Variants in TNXB observed in about 807,000 individuals in gnomAD.
TNXB encodes tenascin XB, also known as tenascin-X.
In TNXB, 183 loss-of-function variants were observed where a neutral mutation model predicts 340.5. The observed-to-expected ratio is 0.54, with a 90% confidence interval of 0.48 to 0.61. The LOEUF is 0.61. TNXB is among the 20% of genes least tolerant of loss of function. The pLI, the probability that TNXB is intolerant of heterozygous loss-of-function variation, is 0.00. For missense variants in TNXB, 4,613 were observed against 5,446.4 expected (o/e 0.85, Z 4.82); for synonymous variants, 2,121 against 2,314.5 (o/e 0.92, Z 2.40).
rs1780453848 is a variant in TNXB, at chr6:32,097,142, T to C, written c.711A>G (p.Ala237=). 4.4e-6 allele frequency: 7 copies of C among 1,600,384 alleles called. No individual in the cohort carries two copies. Among genetic ancestry groups the C allele is most frequent in the South Asian group, 1.1e-5 (1 of 89,312 alleles). ...RCVQGVCVCR[A]GFSGPDCSQR... is the part of the protein sequence containing the mutation. ...GGCTGCAGTCGGGGCCTGAGAAGCC[T>C]GCCCGGCACACACACACGCCCTGCA... The change falls in exon 3 of 44, where the codon GCA becomes GCG. Residue 237 remains alanine, a synonymous_variant. Transcript: ENST00000644971. This position sits in a 1 kb window ranked among gnomAD's most constrained non-coding sequence, Gnocchi z 5.9.
chr6:32,062,111 T>C lies in TNXB; in HGVS notation c.7168+46A>G. 6.3e-7 allele frequency: 1 copy of C among 1,574,822 alleles called. No individual in the cohort carries two copies. Among genetic ancestry groups the C allele is most frequent in the South Asian group, 1.2e-5 (1 of 85,098 alleles). Reference sequence around the variant, plus strand: ...CAGTCATCACCAAAGAGCAAGAGGGTGACCCTCCCATGGCTCCCACCCTGG... The same window carrying C: ...CAGTCATCACCAAAGAGCAAGAGGGCGACCCTCCCATGGCTCCCACCCTGG... On this transcript the variant is annotated intron_variant, in intron 20 of 43. Transcript: ENST00000644971. The surrounding 1 kb of genome is among the most constrained non-coding windows in gnomAD (Gnocchi z 4.3).
Position 32,068,355 on chromosome 6 carries a change from T to G in TNXB, c.6220+35A>C, listed in dbSNP as rs1251180011. On this transcript the variant is annotated intron_variant, in intron 17 of 43. Coordinates refer to ENST00000644971, the MANE Select transcript of TNXB (RefSeq NM_001365276.2). This position sits in a 1 kb window ranked among gnomAD's most constrained non-coding sequence, Gnocchi z 5.3. ...AAAGAGCAAGAGGGTGACCCTCCCA[T>G]GGCTCCCACCCTGGGGCTCCCATCA... The G allele has an allele frequency of 1.2e-5, 19 of 1,606,038 alleles. No homozygotes were observed. The highest frequency in any genetic ancestry group is 1.6e-5 in the Non-Finnish European group (19 of 1,175,138).
Position 32,095,709 on chromosome 6 carries a change from G to T in TNXB, c.2144C>A (p.Ala715Asp). ...CVEGFRGPDC[A>D]IQTCPGDCRG... ...GCAGTCCCCTGGGCATGTCTGGATG[G>T]CACAGTCAGGGCCTCGGAAGCCCTC... Residue 715 changes from alanine (A) to aspartate (D), a missense_variant, in exon 3 of 44, where the codon GCC becomes GAC. Coordinates refer to ENST00000644971, the MANE Select transcript of TNXB (RefSeq NM_001365276.2). 6.2e-7 allele frequency: 1 copy of T among 1,610,170 alleles called. No individual in the cohort carries two copies. The highest frequency in any genetic ancestry group is 8.5e-7 in the Non-Finnish European group (1 of 1,178,392).
In TNXB at chr6:32,087,014, G is replaced by A. The variant is rs895760978; in HGVS notation, c.2780-896C>T. Among the ~76,000 whole-genome samples the A allele has an allele frequency of 2.0e-5, 3 of 152,314 alleles. No individual in the cohort carries two copies. The highest frequency in any genetic ancestry group is 1.9e-4 in the East Asian group (1 of 5,186). ...TGTCCCGGGAAACCCCAAAGAAGGC[G>A]CTGCCTTGACCTTAGGCATCCACAG... On this transcript the variant is annotated intron_variant, in intron 6 of 43. Coordinates refer to ENST00000644971, the MANE Select transcript of TNXB (RefSeq NM_001365276.2). This position sits in a 1 kb window ranked among gnomAD's most constrained non-coding sequence, Gnocchi z 9.0.
Position 32,053,551 on chromosome 6 carries a change from G to T in TNXB, c.8628C>A (p.Val2876=). 6.2e-7 allele frequency: 1 copy of T among 1,613,692 alleles called. No homozygotes were observed. The highest frequency in any genetic ancestry group is 8.5e-7 in the Non-Finnish European group (1 of 1,179,878). The change falls in exon 25 of 44, where the codon GTC becomes GTA. Residue 2876 remains valine (V), a synonymous_variant. Coordinates refer to ENST00000644971, the MANE Select transcript of TNXB (RefSeq NM_001365276.2). ...GCTGCCCATCCCCATTCCTGTACTG[G>T]ACCAGGAAGTGGTCAAACTGGCCCT... is the stretch of plus-strand genomic sequence containing the variant. ...VPEGQFDHFL[V]QYRNGDGQPK... is the part of the protein sequence containing the mutation.
chr6:32,096,456 C>T lies in TNXB; in HGVS notation c.1397G>A (p.Cys466Tyr). The change falls in exon 3 of 44, where the codon TGT becomes TAT. Residue 466 changes from cysteine to tyrosine, a missense_variant. Cys to Tyr is a radical substitution (Grantham distance 194). Coordinates refer to ENST00000644971, the MANE Select transcript of TNXB (RefSeq NM_001365276.2). ...YSGEDCGVRS[C>Y]PGDCRGRGRC... ...GCCCCGGCCACGACAGTCCCCAGGA[C>T]AGCTGCGCACACCGCAGTCCTCGCC... is the stretch of plus-strand genomic sequence containing the variant. 1 of 1,599,622 alleles carries T rather than the reference C, an allele frequency of 6.3e-7. No individual in the cohort carries two copies. Among genetic ancestry groups the T allele is most frequent in the Non-Finnish European group, 8.5e-7 (1 of 1,179,150 alleles).
rs1780304037 is a variant in TNXB, at chr6:32,095,847, C to T, written c.2006G>A (p.Cys669Tyr). 2 of 1,612,614 alleles carry T rather than the reference C, an allele frequency of 1.2e-6. No homozygotes were observed. Among genetic ancestry groups the T allele is most frequent in the African/African-American group, 1.3e-5 (1 of 75,032 alleles). The part of the protein sequence containing the change: ...RGRCVQGVCL[C>Y]HVGYGGEDCG... Reference sequence around the variant, plus strand: ...GTCCTCACCGCCATAGCCCACGTGGCACAGGCACACTCCTTGCACACACCG... The same window carrying T: ...GTCCTCACCGCCATAGCCCACGTGGTACAGGCACACTCCTTGCACACACCG... The change falls in exon 3 of 44, where the codon TGC becomes TAC. Residue 669 changes from cysteine to tyrosine, a missense_variant. This residue lies in a region of TNXB where 4,327 missense variants were observed against 4,859.4 expected (regional missense o/e 0.89). Coordinates refer to ENST00000644971, the MANE Select transcript of TNXB (RefSeq NM_001365276.2).
chr6:32,081,811 GAC>G lies in TNXB; in HGVS notation c.3737-140_3737-139del. On this transcript the variant is annotated intron_variant, in intron 9 of 43. Transcript: ENST00000644971. This position sits in a 1 kb window ranked among gnomAD's most constrained non-coding sequence, Gnocchi z 5.1. ...CGAGTGCTAAACTTCTGGGAAGCCTGACACAGCCAGGGTATGACACACCTTCT... is the reference window on the plus strand; with the variant it reads ...CGAGTGCTAAACTTCTGGGAAGCCTGACAGCCAGGGTATGACACACCTTCT... 1 of 700,166 alleles carries G rather than the reference GAC, an allele frequency of 1.4e-6. No individual in the cohort carries two copies. Among genetic ancestry groups the G allele is most frequent in the South Asian group, 1.9e-5 (1 of 51,760 alleles). The allele number at this position is 700,166 out of a possible 1,614,324, so 43.4% of individuals were successfully genotyped here.
At position 32,087,200 on chromosome 6, in the gene TNXB, C is replaced by T. The variant is rs1340012117; in HGVS notation, c.2780-1082G>A. 2.1e-6 allele frequency: 1 copy of T among 474,366 alleles called. No individual in the cohort carries two copies. The highest frequency in any genetic ancestry group is 4.2e-6 in the Non-Finnish European group (1 of 238,022). 29.4% of individuals were successfully genotyped at this position (474,366 alleles called of 1,614,324 possible). A position where few individuals can be genotyped will look rare whatever the true frequency, so the allele number is the denominator to read the frequency against. ...AATTCATGAATGCAGGCTCCAACGGCAGGTGAGGCTGGACAAGGGATAGGT... is the reference window on the plus strand; with the variant it reads ...AATTCATGAATGCAGGCTCCAACGGTAGGTGAGGCTGGACAAGGGATAGGT... On this transcript the variant is annotated intron_variant, in intron 6 of 43. Transcript: ENST00000644971. The surrounding 1 kb of genome is among the most constrained non-coding windows in gnomAD (Gnocchi z 9.0).
Position 32,046,115 on chromosome 6 carries a change from C to G in TNXB, c.10606+60G>C. ...TCCTGCAGTCATCTTTGTCTTCAGC[C>G]CAAATGCACAAGGAAACCCACACAA... On this transcript the variant is annotated intron_variant, in intron 31 of 43. Coordinates refer to ENST00000644971, the MANE Select transcript of TNXB (RefSeq NM_001365276.2). The surrounding 1 kb of genome is among the most constrained non-coding windows in gnomAD (Gnocchi z 6.9). 6.5e-7 allele frequency: 1 copy of G among 1,542,064 alleles called. No individual in the cohort carries two copies. Among genetic ancestry groups the G allele is most frequent in the Non-Finnish European group, 8.8e-7 (1 of 1,140,944 alleles).
chr6:32,064,695 G>T lies in TNXB; in HGVS notation c.6841+126C>A. Reference sequence around the variant, plus strand: ...AAGTCTCGGAGTGAAGGCACCAGCAGAACCATTCCCAGGAGCTTGGGAGGC... The same window carrying T: ...AAGTCTCGGAGTGAAGGCACCAGCATAACCATTCCCAGGAGCTTGGGAGGC... On this transcript the variant is annotated intron_variant, in intron 19 of 43. Transcript: ENST00000644971. This position sits in a 1 kb window ranked among gnomAD's most constrained non-coding sequence, Gnocchi z 5.3. The T allele has an allele frequency of 7.4e-7, 1 of 1,346,850 alleles. No homozygotes were observed. Among genetic ancestry groups the T allele is most frequent in the Non-Finnish European group, 9.9e-7 (1 of 1,013,450 alleles). 83.4% of individuals were successfully genotyped at this position (1,346,850 alleles called of 1,614,324 possible).
rs551351643 is a variant in TNXB, at chr6:32,092,715, A to G, written c.2358+2361T>C. Among the ~76,000 whole-genome samples, 4 of 152,154 alleles carry G rather than the reference A, an allele frequency of 2.6e-5. No homozygotes were observed. The East Asian group carries it at 7.7e-4, about 29-fold the overall frequency. On this transcript the variant is annotated intron_variant, in intron 4 of 43. Coordinates refer to ENST00000644971, the MANE Select transcript of TNXB (RefSeq NM_001365276.2). ...CAAAAAAAAAAAAAAAGAAAGAAAG[A>G]AAAGAAAAGAAATAGATGGCACTTG...
rs1778942234 is a variant in TNXB, at chr6:32,074,088, C to G, written c.4376-136G>C. On this transcript the variant is annotated intron_variant, in intron 11 of 43. Transcript: ENST00000644971. The surrounding 1 kb of genome is among the most constrained non-coding windows in gnomAD (Gnocchi z 5.5). ...CACCCAGAGCAGTGGGCGACCTCGG[C>G]TCACTGCAGCCTCTGCCTCCCGGGT... The G allele has an allele frequency of 3.7e-6, 3 of 808,100 alleles. No homozygotes were observed. The African/African-American group carries it at 5.2e-5, about 14-fold the overall frequency. 50.1% of individuals were successfully genotyped at this position (808,100 alleles called of 1,614,324 possible). A position where few individuals can be genotyped will look rare whatever the true frequency, so the allele number is the denominator to read the frequency against.
In TNXB at chr6:32,060,558, G is replaced by A. The variant is rs188041517; in HGVS notation, c.7492+839C>T. On this transcript the variant is annotated intron_variant, in intron 21 of 43. Transcript: ENST00000644971. ...TTCTATCTAACAAATCAGGCAACCC[G>A]TGGGATGTGTTTCTTTCCAGTCTTC... Among the ~76,000 whole-genome samples, 80 of 152,036 alleles carry A rather than the reference G, an allele frequency of 5.3e-4. 1 individual carries two copies. The highest frequency in any genetic ancestry group is 3.4e-3 in the Middle Eastern group (1 of 294).
Position 32,055,831 on chromosome 6 carries a change from C to G in TNXB, c.8467+20G>C, listed in dbSNP as rs781372422. 1 of 1,597,652 alleles carries G rather than the reference C, an allele frequency of 6.3e-7. No individual in the cohort carries two copies. Among genetic ancestry groups the G allele is most frequent in the Admixed American group, 1.7e-5 (1 of 59,126 alleles). On this transcript the variant is annotated intron_variant, in intron 24 of 43. Coordinates refer to ENST00000644971, the MANE Select transcript of TNXB (RefSeq NM_001365276.2). ...AAGCAACATCTTCTAGGGCCATCTT[C>G]CTCACTCACAAACACTCACCTGTCA...
intron 1 of TNXB, among the ~76,000 whole-genome samples, chr6:32,107,039 C>G (rs1781019962): frequency 6.6e-6 from 1 of 152,236 alleles, no homozygotes; most frequent in Non-Finnish European, 1.5e-5. Flanking sequence ...CACACCTAGT[C>G]ATTGGGTGAT....
At position 32,098,020 on chromosome 6, in the gene TNXB, T is replaced by C; in HGVS notation, c.179A>G (p.Tyr60Cys). Residue 60 changes from tyrosine to cysteine, a missense_variant, in exon 2 of 44, where the codon TAC becomes TGC. By Grantham distance (194) the Tyr-to-Cys change is radical. This residue lies in a region of TNXB where 4,327 missense variants were observed against 4,859.4 expected (regional missense o/e 0.89). Transcript: ENST00000644971. Reference sequence around the variant, plus strand: ...CTCCCCTCCTTCCACTGTGTGCTCGTAAAGCTGAGAAGAGGGGCTTCCCAC... The same window carrying C: ...CTCCCCTCCTTCCACTGTGTGCTCGCAAAGCTGAGAAGAGGGGCTTCCCAC... ...AGVGSPSSQL[Y>C]EHTVEGGEKQ... is the part of the protein sequence containing the mutation. 3.1e-6 allele frequency: 5 copies of C among 1,607,346 alleles called. No individual in the cohort carries two copies. The highest frequency in any genetic ancestry group is 4.2e-6 in the Non-Finnish European group (5 of 1,178,102).
rs1343000989 is a variant in TNXB at position 32,056,614 on chromosome 6, C to T, written c.8115G>A (p.Val2705=). ...TCACCCCAATGACAGAGATGGGGCC[C>T]ACGCGCTGGCCACCGTGGAAGCCGT... is the stretch of plus-strand genomic sequence containing the variant. ...NLYGFHGGQR[V]GPISVIGVTA... is the part of the protein sequence containing the mutation. Residue 2705 remains valine, a synonymous_variant, in exon 23 of 44, where the codon GTG becomes GTA. Coordinates refer to ENST00000644971, the MANE Select transcript of TNXB (RefSeq NM_001365276.2). 2 of 1,613,056 alleles carry T rather than the reference C, an allele frequency of 1.2e-6. No individual in the cohort carries two copies. The highest frequency in any genetic ancestry group is 1.1e-5 in the South Asian group (1 of 91,084).
At position 32,098,077 on chromosome 6, in the gene TNXB, G is replaced by C. The variant is rs769084817; in HGVS notation, c.122C>G (p.Pro41Arg). 3.7e-6 allele frequency: 6 copies of C among 1,605,778 alleles called. No individual in the cohort carries two copies. The highest frequency in any genetic ancestry group is 5.1e-6 in the Non-Finnish European group (6 of 1,177,138). The change falls in exon 2 of 44, where the codon CCC becomes CGC. Residue 41 changes from proline to arginine, a missense_variant. This residue lies in a region of TNXB where 4,327 missense variants were observed against 4,859.4 expected (regional missense o/e 0.89). Coordinates refer to ENST00000644971, the MANE Select transcript of TNXB (RefSeq NM_001365276.2). ...NVTLPAPRPPPQPGGHTVGAG... is the reference protein window; with the variant it reads ...NVTLPAPRPPRQPGGHTVGAG... ...CCCCACTGTGTGGCCCCCTGGCTGG[G>C]GAGGGGGCCGGGGGGCTGGCAGTGT...
Sources: allele counts gnomAD v4.1 joint callset (sites outside exome capture counted in the v4.1 genomes callset), GRCh38; gene constraint gnomAD v4.1.1; regional missense constraint gnomAD v4.1.1; non-coding constraint Gnocchi (gnomAD v3.1); transcripts MANE v1.5; gene names NCBI Gene and HGNC (gene_info 2026-07-23, HGNC 2026-07-21).